Variants in NBAS observed in about 807,000 individuals in gnomAD.
The protein encoded by NBAS is NAG/BC035112 fusion.
A neutral mutation model predicts 302.5 loss-of-function variants in NBAS; 219 were observed. The ratio of observed to expected loss-of-function variants is 0.72; its 90% CI spans 0.65 to 0.81. NBAS has a LOEUF of 0.81. Among genes scored for constraint, NBAS ranks in the 30% least tolerant of loss-of-function variants. The pLI is 0.00. For missense variants in NBAS, 2,932 were observed against 2,841.6 expected, an observed-to-expected ratio of 1.03 and a Z score of -0.72; for synonymous variants, 1,118 against 1,021.6, an observed-to-expected ratio of 1.09 and a Z score of -1.80.
At chr2:15,035,558 T>C in the NBAS span, among the ~76,000 whole-genome samples, 3 of 152,166 alleles carry the variant, frequency 2.0e-5, no homozygotes, top group Non-Finnish European at 4.4e-5. Flanking sequence ...ATTGCAGCAC[T>C]ATTCACAATA....
intron 47 of NBAS, among the ~76,000 whole-genome samples, chr2:15,228,739 ACCACAC>A (rs1411467165): frequency 2.0e-5 from 3 of 152,176 alleles, no homozygotes; most frequent in African/African-American, 7.2e-5. Flanking sequence ...AGAGACAAAT[ACCACAC>A]GATCTCACTC....
chr2:15,402,259 T>G lies in NBAS; in HGVS notation c.2980A>C (p.Ile994Leu). 1 of 1,613,618 alleles carries G rather than the reference T, an allele frequency of 6.2e-7. No individual in the cohort carries two copies. Among genetic ancestry groups the G allele is most frequent in the Non-Finnish European group, 8.5e-7 (1 of 1,179,648 alleles). The change falls in exon 26 of 52, where the codon ATA becomes CTA. Residue 994 changes from isoleucine (I) to leucine (L), a missense_variant. Ile to Leu is a conservative substitution (Grantham distance 5). Transcript: ENST00000281513. The stretch of plus-strand genomic sequence containing the variant: ...CAGGTATAGATGCACTCTAGTGCTA[T>G]TGCCATCAGTTGGTCCTGATCAGGA... ...IIPDQDQLMA[I>L]ALECIYTCER...
At chr2:15,147,599 AT>A in the NBAS span, among the ~76,000 whole-genome samples, 1 of 152,074 alleles carries the variant, frequency 6.6e-6, no homozygotes, top group Non-Finnish European at 1.5e-5. Flanking sequence ...TCTCAAAAAA[AT>A]AATAATAAAA....
chr2:14,857,871 C>T, the NBAS span, among the ~76,000 whole-genome samples: 5 of 152,048 alleles, frequency 3.3e-5, no homozygotes, highest in African/African-American at 4.8e-5. Flanking sequence ...ATACAGTCAA[C>T]GAAGTGAAGA....
chr2:14,904,777 C>T, the NBAS span, among the ~76,000 whole-genome samples: 1 of 152,198 alleles, frequency 6.6e-6, no homozygotes, highest in African/African-American at 2.4e-5. Context: ...AGGCCGGGCG[C>T]GGTGGCTCAA....
the NBAS span, among the ~76,000 whole-genome samples, chr2:15,069,482 T>C: frequency 6.6e-6 from 1 of 151,998 alleles, no homozygotes; most frequent in Non-Finnish European, 1.5e-5. Context: ...ACGATCTCTA[T>C]CCTTCAGATC....
the NBAS span, among the ~76,000 whole-genome samples, chr2:15,119,203 T>G: frequency 6.6e-6 from 1 of 152,090 alleles, no homozygotes; most frequent in Non-Finnish European, 1.5e-5. Flanking sequence ...TCACATTTGT[T>G]TGGGATCTGC....
the NBAS span, among the ~76,000 whole-genome samples, chr2:14,984,127 T>C: frequency 4.3e-4 from 66 of 152,278 alleles, no homozygotes; most frequent in Admixed American, 2.7e-3. Flanking sequence ...GGTAAGAAAA[T>C]GGCTGACACC....
intron 50 of NBAS, among the ~76,000 whole-genome samples, chr2:15,185,585 G>C (rs937717757): frequency 6.6e-6 from 1 of 152,078 alleles, no homozygotes; most frequent in Non-Finnish European, 1.5e-5. Flanking sequence ...CCCTCTCCAG[G>C]AGCCCACAAT....
chr2:15,134,179 G>T, the NBAS span, among the ~76,000 whole-genome samples: 1 of 151,960 alleles, frequency 6.6e-6, no homozygotes, highest in African/African-American at 2.4e-5. Flanking sequence ...GCCTTTGGGG[G>T]ATGATAAGAT....
chr2:14,850,866 G>A, the NBAS span, among the ~76,000 whole-genome samples: 2 of 121,870 alleles, frequency 1.6e-5, no homozygotes, highest in East Asian at 2.1e-4. Context: ...AAATAAAGAT[G>A]TTCTTTGAAA....
At chr2:15,055,607 G>T in the NBAS span, among the ~76,000 whole-genome samples, 1 of 152,150 alleles carries the variant, frequency 6.6e-6, no homozygotes, top group African/African-American at 2.4e-5. Flanking sequence ...GATGTCAAGG[G>T]ATGGCCAAGA....
chr2:14,904,220 G>C, the NBAS span, among the ~76,000 whole-genome samples: 2 of 152,206 alleles, frequency 1.3e-5, no homozygotes, highest in African/African-American at 2.4e-5. Flanking sequence ...TGGCTCACAC[G>C]ATCACGAGGT....
the NBAS span, among the ~76,000 whole-genome samples, chr2:15,059,979 A>C: frequency 2.6e-3 from 306 of 116,348 alleles, 4 homozygotes; most frequent in African/African-American, 7.3e-3. Context: ...AAAAAAACAA[A>C]AAAAAAAACA....
At chr2:15,201,063 G>T (rs899258986) in intron 48 of NBAS, among the ~76,000 whole-genome samples, 2 of 152,148 alleles carry the variant, frequency 1.3e-5, no homozygotes, top group Non-Finnish European at 2.9e-5. Context: ...TTCTTTTTAA[G>T]AAATGTTTTT....
intron 44 of NBAS, among the ~76,000 whole-genome samples, chr2:15,254,289 T>C (rs1668486498): frequency 6.6e-6 from 1 of 151,856 alleles, no homozygotes; most frequent in Non-Finnish European, 1.5e-5. Flanking sequence ...CCCACACCCC[T>C]TCCCCCAAAC....
At chr2:14,979,160 C>T in the NBAS span, among the ~76,000 whole-genome samples, 1 of 152,092 alleles carries the variant, frequency 6.6e-6, no homozygotes, top group African/African-American at 2.4e-5. Context: ...ATACAAAATG[C>T]AATAACACTA....
Position 15,442,511 on chromosome 2 carries a change from T to A in NBAS, c.2340-14717A>T, listed in dbSNP as rs570639012. 3.8e-4 allele frequency among the ~76,000 whole-genome samples: 58 copies of A among 151,106 alleles called. 1 individual carries two copies. The South Asian group carries it at 9.9e-3, about 26-fold the overall frequency. On this transcript the variant is annotated intron_variant, in intron 21 of 51. Coordinates refer to ENST00000281513, the MANE Select transcript of NBAS (RefSeq NM_015909.4). The stretch of plus-strand genomic sequence containing the variant: ...GGGACACATTCAAAGCAGTGTGTAG[T>A]GGGAAATTTATAGCACTAAATGCCC...
intron 38 of NBAS, among the ~76,000 whole-genome samples, chr2:15,322,401 A>G (rs988886531): frequency 7.9e-5 from 12 of 151,986 alleles, no homozygotes; most frequent in African/African-American, 2.9e-4. Context: ...AAATAAATAA[A>G]TAAATAAATA....
Sources: allele counts gnomAD v4.1 joint callset (sites outside exome capture counted in the v4.1 genomes callset), GRCh38; gene constraint gnomAD v4.1.1; transcripts MANE v1.5; gene names NCBI Gene and HGNC (gene_info 2026-07-23, HGNC 2026-07-21).